GRIN2D: variants seen among roughly 807,000 people sequenced by gnomAD.
GRIN2D encodes glutamate receptor ionotropic, NMDA 2D.
GRIN2D carries 37 observed loss-of-function variants against 103.2 expected under a neutral mutation model. That is an observed-to-expected ratio of 0.36 (90% CI 0.28 to 0.47). GRIN2D has a LOEUF of 0.47. Ranked by LOEUF, GRIN2D falls within the 20% of genes least tolerant of loss-of-function variation. GRIN2D has a pLI of 1.00. For missense variants in GRIN2D, 1,557 were observed against 1,910.6 expected, an observed-to-expected ratio of 0.81 and a Z score of 3.45; for synonymous variants, 845 against 885.6, an observed-to-expected ratio of 0.95 and a Z score of 0.81.
Position 48,419,790 on chromosome 19 carries a change from T to C in GRIN2D, c.2067T>C (p.Thr689=). The change falls in exon 10 of 14, where the codon ACT becomes ACC. Residue 689 remains threonine (T), a synonymous_variant. Transcript: ENST00000263269. ...TGATCCAGGAGGAGTACGTGGATAC[T>C]GTGTCTGGGCTCAGTGACCGCAAGG... ...AFMIQEEYVD[T]VSGLSDRKFQ... 1.2e-6 allele frequency: 2 copies of C among 1,613,126 alleles called. No homozygotes were observed. The highest frequency in any genetic ancestry group is 1.7e-6 in the Non-Finnish European group (2 of 1,179,630).
At chr19:48,436,046 T>C (rs1256692074) in intron 11 of GRIN2D, among the ~76,000 whole-genome samples, 1 of 151,948 alleles carries the variant, frequency 6.6e-6, no homozygotes, top group Non-Finnish European at 1.5e-5. Flanking sequence ...CTGACGGAGG[T>C]TGTAACTGCC....
intron 11 of GRIN2D, among the ~76,000 whole-genome samples, chr19:48,434,589 T>C (rs1237205240): frequency 6.6e-6 from 1 of 151,908 alleles, no homozygotes; most frequent in Admixed American, 6.6e-5. Flanking sequence ...AACTTCTTTT[T>C]TAAAAATTTT....
chr19:48,397,343 C>T (rs973204681), intron 2 of GRIN2D, among the ~76,000 whole-genome samples: 4 of 152,056 alleles, frequency 2.6e-5, no homozygotes, highest in Non-Finnish European at 5.9e-5. Flanking sequence ...TCTCCCTTTT[C>T]CTCCCTTTTA....
chr19:48,406,589 A>T (rs1381811989), intron 4 of GRIN2D, among the ~76,000 whole-genome samples: 1 of 152,336 alleles, frequency 6.6e-6, no homozygotes, highest in South Asian at 2.1e-4. Flanking sequence ...CCTTCTTCAT[A>T]AATACTTACT....
chr19:48,423,189 C>T (rs1309463900), intron 11 of GRIN2D, among the ~76,000 whole-genome samples: 3 of 152,088 alleles, frequency 2.0e-5, no homozygotes, highest in Non-Finnish European at 4.4e-5. Flanking sequence ...CCAGCCTGGG[C>T]AACAGAGACA....
intron 7 of GRIN2D, among the ~76,000 whole-genome samples, chr19:48,415,303 G>C (rs1426782793): frequency 6.6e-6 from 1 of 151,970 alleles, no homozygotes; most frequent in Non-Finnish European, 1.5e-5. Context: ...CCCGGGAGGC[G>C]GAGGTTGCAG....
chr19:48,431,831 C>T (rs939079689), intron 11 of GRIN2D, among the ~76,000 whole-genome samples: 10 of 152,168 alleles, frequency 6.6e-5, no homozygotes, highest in South Asian at 2.1e-4. Context: ...GTGATCCACC[C>T]GCCCCAGCCT....
At position 48,442,411 on chromosome 19, in the gene GRIN2D, G is replaced by C; in HGVS notation, c.2673+29G>C. 1 of 1,588,912 alleles carries C rather than the reference G, an allele frequency of 6.3e-7. No homozygotes were observed. Among genetic ancestry groups the C allele is most frequent in the Middle Eastern group, 1.7e-4 (1 of 6,034 alleles). On this transcript the variant is annotated intron_variant, in intron 13 of 13. Coordinates refer to ENST00000263269, the MANE Select transcript of GRIN2D (RefSeq NM_000836.4). The surrounding 1 kb of genome is among the most constrained non-coding windows in gnomAD (Gnocchi z 7.2). ...TGGGGCAGAGAGGGAGGCAGAGAGG[G>C]GGAGATGGCAGGGGCGGGGACAAAG...
intron 11 of GRIN2D, among the ~76,000 whole-genome samples, chr19:48,438,502 GT>G: frequency 6.6e-6 from 1 of 151,892 alleles, no homozygotes; most frequent in Non-Finnish European, 1.5e-5. Context: ...GTTTCACCGT[GT>G]TAGCCAGGAT....
At position 48,443,725 on chromosome 19, in the gene GRIN2D, C is replaced by G; in HGVS notation, c.3799C>G (p.Pro1267Ala). The change falls in exon 14 of 14, where the codon CCC becomes GCC. Residue 1267 changes from proline (P) to alanine (A), a missense_variant. Pro to Ala is a conservative substitution (Grantham distance 27, BLOSUM62 -1). Coordinates refer to ENST00000263269, the MANE Select transcript of GRIN2D (RefSeq NM_000836.4). The surrounding 1 kb of genome is among the most constrained non-coding windows in gnomAD (Gnocchi z 8.9). ...GGGCTGGGACCTCCCGCCGCCCGCG[C>G]CCACCTCGCGCTCGCTCGAGGACCT... is the stretch of plus-strand genomic sequence containing the variant. ...AGGWDLPPPA[P>A]TSRSLEDLSS... 7.5e-7 allele frequency: 1 copy of G among 1,334,466 alleles called. No homozygotes were observed. Among genetic ancestry groups the G allele is most frequent in the Non-Finnish European group, 9.6e-7 (1 of 1,044,546 alleles). 82.7% of individuals were successfully genotyped at this position (1,334,466 alleles called of 1,614,324 possible). A position where few individuals can be genotyped will look rare whatever the true frequency, so the allele number is the denominator to read the frequency against.
chr19:48,406,895 A>G (rs1471841585), intron 4 of GRIN2D, among the ~76,000 whole-genome samples: 1 of 152,196 alleles, frequency 6.6e-6, no homozygotes, highest in African/African-American at 2.4e-5. Flanking sequence ...AATTAAAGCC[A>G]GGAATTGAGG....
At chr19:48,398,346 T>C in intron 2 of GRIN2D, 21 bp from the exon 3 acceptor site, 3 of 1,037,822 alleles carry the variant, frequency 2.9e-6, no homozygotes, top group African/African-American at 1.7e-5. Flanking sequence ...CCTCCCCGTC[T>C]CTCCCGGCCC....
rs1406326967 is a variant in GRIN2D at position 48,398,655 on chromosome 19, C to G, written c.263C>G (p.Ala88Gly). The G allele has an allele frequency of 6.9e-7, 1 of 1,441,808 alleles. No individual in the cohort carries two copies. Among genetic ancestry groups the G allele is most frequent in the African/African-American group, 1.5e-5 (1 of 67,588 alleles). 89.3% of individuals were successfully genotyped at this position (1,441,808 alleles called of 1,614,324 possible). The change falls in exon 3 of 14, where the codon GCG becomes GGG. Residue 88 changes from alanine to glycine, a missense_variant. By Grantham distance (60) the Ala-to-Gly change is moderately conservative. Transcript: ENST00000263269. Reference protein sequence around the residue: ...RSPGLDVRPVALVLNGSDPRS... With the variant: ...RSPGLDVRPVGLVLNGSDPRS... ...CCGGGCCTAGACGTGCGGCCCGTGGCGCTGGTGCTCAACGGCTCGGACCCG... is the reference window on the plus strand; with the variant it reads ...CCGGGCCTAGACGTGCGGCCCGTGGGGCTGGTGCTCAACGGCTCGGACCCG...
At position 48,443,349 on chromosome 19, in the gene GRIN2D, T is replaced by A; in HGVS notation, c.3423T>A (p.Tyr1141Ter). The A allele has an allele frequency of 6.6e-7, 1 of 1,516,534 alleles. No individual in the cohort carries two copies. The highest frequency in any genetic ancestry group is 8.8e-7 in the Non-Finnish European group (1 of 1,141,632). The allele number at this position is 1,516,534 out of a possible 1,614,324, so 93.9% of individuals were successfully genotyped here. ...PWWFADFPYP[Y>*]AERLGPPPGR... ...GGTTCGCCGACTTCCCTTACCCGTA[T>A]GCCGAGCGCCTCGGGCCGCCGCCCG... is the stretch of plus-strand genomic sequence containing the variant. The change falls in exon 14 of 14, where the codon TAT (tyrosine) becomes TAA (stop). Residue 1141 changes from tyrosine (Y) to a stop codon, truncating the protein, a stop_gained. Transcript: ENST00000263269. LOFTEE classifies it high-confidence loss of function. This position sits in a 1 kb window ranked among gnomAD's most constrained non-coding sequence, Gnocchi z 8.9.
At position 48,398,553 on chromosome 19, in the gene GRIN2D, C is replaced by T; in HGVS notation, c.161C>T (p.Ala54Val). The change falls in exon 3 of 14, where the codon GCG becomes GTG. Residue 54 changes from alanine to valine, a missense_variant. Around this residue, in one of 7 missense-constraint regions of GRIN2D, gnomAD observed 490 missense variants for 601.1 expected, o/e 0.82. Transcript: ENST00000263269. ...GGCGGGGCGCGGCCGCTCAACGTGG[C>T]GCTCGTGTTCTCGGGGCCCGCGTAC... is the stretch of plus-strand genomic sequence containing the variant. Reference protein sequence around the residue: ...GLGGARPLNVALVFSGPAYAA... With the variant: ...GLGGARPLNVVLVFSGPAYAA... The T allele has an allele frequency of 8.6e-7, 1 of 1,159,030 alleles. No individual in the cohort carries two copies. The highest frequency in any genetic ancestry group is 1.1e-6 in the Non-Finnish European group (1 of 941,788). The allele number at this position is 1,159,030 out of a possible 1,614,324, so 71.8% of individuals were successfully genotyped here.
chr19:48,442,486 G>A lies in GRIN2D; in HGVS notation c.2673+104G>A. The A allele has an allele frequency of 1.3e-6, 2 of 1,514,750 alleles. No homozygotes were observed. Among genetic ancestry groups the A allele is most frequent in the South Asian group, 2.5e-5 (2 of 81,474 alleles). 93.8% of individuals were successfully genotyped at this position (1,514,750 alleles called of 1,614,324 possible). On this transcript the variant is annotated intron_variant, in intron 13 of 13. Coordinates refer to ENST00000263269, the MANE Select transcript of GRIN2D (RefSeq NM_000836.4). The surrounding 1 kb of genome is among the most constrained non-coding windows in gnomAD (Gnocchi z 7.2). ...ATGTGGGTCGAGATGTGGATAGTGGGGAAGAGAGCGGGAAACACAGGCGGG... is the reference window on the plus strand; with the variant it reads ...ATGTGGGTCGAGATGTGGATAGTGGAGAAGAGAGCGGGAAACACAGGCGGG...
At chr19:48,409,804 A>G (rs1600975008) in intron 4 of GRIN2D, among the ~76,000 whole-genome samples, 1 of 150,944 alleles carries the variant, frequency 6.6e-6, no homozygotes, top group African/African-American at 2.4e-5. Flanking sequence ...TTTTTGAGAT[A>G]CAGTCTCGCT....
Position 48,421,271 on chromosome 19 carries a change from A to C in GRIN2D, c.2092-514A>C, listed in dbSNP as rs557227297. 1.2e-4 allele frequency among the ~76,000 whole-genome samples: 18 copies of C among 152,048 alleles called. No homozygotes were observed. The East Asian group carries it at 3.1e-3, about 26-fold the overall frequency. On this transcript the variant is annotated intron_variant, in intron 10 of 13. Transcript: ENST00000263269. This position sits in a 1 kb window ranked among gnomAD's most constrained non-coding sequence, Gnocchi z 4.8. ...TGGAGAAACCCCATCTCTACTAAAA[A>C]TACAAAACTGGCTGGGCATGGTGGT... is the stretch of plus-strand genomic sequence containing the variant.
intron 4 of GRIN2D, among the ~76,000 whole-genome samples, chr19:48,412,434 AAAG>A (rs1221707604): frequency 5.7e-4 from 73 of 128,930 alleles, no homozygotes; most frequent in African/African-American, 2.2e-3. Flanking sequence ...AGAAAGAAAG[AAAG>A]AAAGAAAGAA....
Sources: gnomAD v4.1 joint callset for allele counts (sites outside exome capture counted in the v4.1 genomes callset) on GRCh38, gnomAD v4.1.1 for gene constraint, gnomAD v4.1.1 regional missense constraint, Gnocchi (gnomAD v3.1) non-coding constraint, MANE v1.5 for transcripts, NCBI Gene and HGNC (gene_info 2026-07-23, HGNC 2026-07-21) for gene names.